CHRD: variants seen among roughly 807,000 people sequenced by gnomAD.
CHRD encodes chordin.
CHRD carries 69 observed loss-of-function variants against 113.7 expected under a neutral mutation model. The ratio of observed to expected loss-of-function variants is 0.61; its 90% CI spans 0.50 to 0.74. The LOEUF (loss-of-function observed/expected upper bound fraction) is 0.74. CHRD is among the 30% of genes least tolerant of loss of function. CHRD has a pLI of 0.00. For synonymous variants in CHRD, 561 were observed against 540.8 expected (o/e 1.04, Z -0.52); for missense variants, 1,194 against 1,295.8 (o/e 0.92, Z 1.21).
In CHRD at chr3:184,381,637, C is replaced by A. The variant is rs1226455145; in HGVS notation, c.511+13C>A. On this transcript the variant is annotated intron_variant, in intron 4 of 22. Coordinates refer to ENST00000204604, the Ensembl canonical transcript of CHRD. The surrounding 1 kb of genome is among the most constrained non-coding windows in gnomAD (Gnocchi z 4.7). ...GACGGCCACACGGGTAGGGGGCTGG[C>A]GAACAGCGGGGTTGTGGTTGAGGCT... The A allele has an allele frequency of 6.2e-7, 1 of 1,603,170 alleles. No homozygotes were observed. Among genetic ancestry groups the A allele is most frequent in the East Asian group, 2.2e-5 (1 of 44,600 alleles).
Position 184,381,955 on chromosome 3 carries a change from C to T in CHRD, c.634C>T (p.Arg212Cys), listed in dbSNP as rs138912825. ...CAGGCTGGACCGCCCTACCAGGATC[C>T]GCTTCTCAGACTCCAATGGCAGTGT... Residue 212 changes from arginine (R) to cysteine (C), a missense_variant, in exon 6 of 23, where the codon CGC (arginine) becomes TGC (cysteine). By Grantham distance (180) the Arg-to-Cys change is radical (BLOSUM62 -3). Transcript: ENST00000204604. The surrounding 1 kb of genome is among the most constrained non-coding windows in gnomAD (Gnocchi z 4.7). 59 of 1,614,158 alleles carry T rather than the reference C, an allele frequency of 3.7e-5. No individual in the cohort carries two copies. In the African/African-American group the frequency reaches 7.1e-4, roughly 19 times the overall value.
chr3:184,380,641 G>T lies in CHRD; in HGVS notation c.149-51G>T. ...GGGACCCGCGGGCAGCCCCCGGGGC[G>T]GCACACGGCGCGAGCTGGGCAGCGG... On this transcript the variant is annotated intron_variant, in intron 1 of 22. Coordinates refer to ENST00000204604, the Ensembl canonical transcript of CHRD. The surrounding 1 kb of genome is among the most constrained non-coding windows in gnomAD (Gnocchi z 6.3). The T allele has an allele frequency of 7.0e-7, 1 of 1,424,156 alleles. No individual in the cohort carries two copies. The highest frequency in any genetic ancestry group is 9.3e-7 in the Non-Finnish European group (1 of 1,075,150). 88.2% of individuals were successfully genotyped at this position (1,424,156 alleles called of 1,614,324 possible).
chr3:184,386,321 G>A, intron 15 of CHRD, 162 bp downstream of exon 15: 1 of 1,228,092 alleles, frequency 8.1e-7, no homozygotes, highest in Non-Finnish European at 1.1e-6. Flanking sequence ...GAGGAGGCTG[G>A]CAGCCCGGCA....
chr3:184,387,864 G>C lies in CHRD; in HGVS notation c.2452-67G>C. On this transcript the variant is annotated intron_variant, in intron 19 of 22. Coordinates refer to ENST00000204604, the Ensembl canonical transcript of CHRD. This position sits in a 1 kb window ranked among gnomAD's most constrained non-coding sequence, Gnocchi z 6.1. ...AGACTGCATTTGAGGTGTGGAATAGGAGAGGGAGTGGGCAGGAGGCTTATG... is the reference window on the plus strand; with the variant it reads ...AGACTGCATTTGAGGTGTGGAATAGCAGAGGGAGTGGGCAGGAGGCTTATG... The C allele has an allele frequency of 8.7e-6, 12 of 1,372,290 alleles. No homozygotes were observed. The highest frequency in any genetic ancestry group is 1.2e-5 in the Non-Finnish European group (12 of 978,452). The allele number at this position is 1,372,290 out of a possible 1,614,324, so 85.0% of individuals were successfully genotyped here.
At position 184,380,881 on chromosome 3, in the gene CHRD, A is replaced by G; in HGVS notation, c.252+86A>G. 1 of 1,033,334 alleles carries G rather than the reference A, an allele frequency of 9.7e-7. No individual in the cohort carries two copies. The highest frequency in any genetic ancestry group is 1.4e-6 in the Non-Finnish European group (1 of 704,584). 64.0% of individuals were successfully genotyped at this position (1,033,334 alleles called of 1,614,324 possible). On this transcript the variant is annotated intron_variant, in intron 2 of 22. Coordinates refer to ENST00000204604, the Ensembl canonical transcript of CHRD. This position sits in a 1 kb window ranked among gnomAD's most constrained non-coding sequence, Gnocchi z 6.3. ...CGTCGGAGTGGACTCGGAGCTGCTG[A>G]GAAGGAGCCCAGTCGGCAGATGTTG...
In CHRD at chr3:184,388,138, T is replaced by C; in HGVS notation, c.2554+105T>C. On this transcript the variant is annotated intron_variant, in intron 20 of 22. Transcript: ENST00000204604. The surrounding 1 kb of genome is among the most constrained non-coding windows in gnomAD (Gnocchi z 6.1). Reference sequence around the variant, plus strand: ...GTTAATTGAGCATTATACTGAGCACTGCTCTGTGCCTAGCCTGGAGCCAGG... The same window carrying C: ...GTTAATTGAGCATTATACTGAGCACCGCTCTGTGCCTAGCCTGGAGCCAGG... 1 of 954,258 alleles carries C rather than the reference T, an allele frequency of 1.0e-6. No homozygotes were observed. Among genetic ancestry groups the C allele is most frequent in the Non-Finnish European group, 1.6e-6 (1 of 606,776 alleles). The allele number at this position is 954,258 out of a possible 1,614,324, so 59.1% of individuals were successfully genotyped here.
At chr3:184,386,143 G>A (rs749454000) in exon 15 of CHRD, 4 of 1,614,086 alleles carry the variant, frequency 2.5e-6, no homozygotes, top group East Asian at 2.2e-5. Context: ...AGCCCCAGAG[G>A]GGAGCTCCGA....
In CHRD at chr3:184,386,131, G is replaced by A. The variant is rs1358857281; in HGVS notation, c.1904G>A (p.Gly635Asp). The change falls in exon 15 of 23, where the codon GGT becomes GAT. Residue 635 changes from glycine (G) to aspartate (D), a missense_variant. By Grantham distance (94) the Gly-to-Asp change is moderately conservative (BLOSUM62 -1). Coordinates refer to ENST00000204604, the Ensembl canonical transcript of CHRD. The stretch of plus-strand genomic sequence containing the variant: ...GCCTCCCTGATGATCACCACCAAGG[G>A]TAGCCCCAGAGGGGAGCTCCGAGGG... 1.2e-6 allele frequency: 2 copies of A among 1,614,100 alleles called. No individual in the cohort carries two copies. Among genetic ancestry groups the A allele is most frequent in the Non-Finnish European group, 1.7e-6 (2 of 1,180,050 alleles).
rs1716764258 is a variant in CHRD at position 184,388,699 on chromosome 3, G to GC, written c.2672dup (p.Gly893TrpfsTer18). The GC allele has an allele frequency of 6.2e-7, 1 of 1,613,898 alleles. No individual in the cohort carries two copies. The highest frequency in any genetic ancestry group is 1.3e-5 in the African/African-American group (1 of 74,930). On this transcript the variant is annotated frameshift_variant, in exon 21 of 23. Transcript: ENST00000204604. LOFTEE classifies it high-confidence loss of function. The surrounding 1 kb of genome is among the most constrained non-coding windows in gnomAD (Gnocchi z 6.1). Reference sequence around the variant, plus strand: ...AGAGTCAGAGCTGGCACCCCTCAGTGCCCCCTTTTGGAGAGATGAGCTGTA... The same window carrying GC: ...AGAGTCAGAGCTGGCACCCCTCAGTGCCCCCCTTTTGGAGAGATGAGCTGTA...
rs775325840 is a variant in CHRD at position 184,384,707 on chromosome 3, G to A, written c.1597+14G>A. On this transcript the variant is annotated intron_variant, in intron 13 of 22. Transcript: ENST00000204604. The surrounding 1 kb of genome is among the most constrained non-coding windows in gnomAD (Gnocchi z 4.4). ...CCCGCCATGACAGTGAGTGTCCTTA[G>A]GGGTCTGTCTGCCCTTTGGTTTCCT... The A allele has an allele frequency of 7.2e-6, 11 of 1,533,854 alleles. No individual in the cohort carries two copies. The highest frequency in any genetic ancestry group is 1.8e-4 in the Middle Eastern group (1 of 5,684).
rs969076427 is a variant in CHRD at position 184,387,174 on chromosome 3, G to A, written c.2347+67G>A. ...AGCCATTAGGTTGAACCAGGAGGGG[G>A]ACAAGAAGGGGAGAGTATATAGGGG... is the stretch of plus-strand genomic sequence containing the variant. On this transcript the variant is annotated intron_variant, in intron 18 of 22. Transcript: ENST00000204604. The surrounding 1 kb of genome is among the most constrained non-coding windows in gnomAD (Gnocchi z 6.1). The A allele has an allele frequency of 3.7e-5, 54 of 1,474,106 alleles. No individual in the cohort carries two copies. In the Middle Eastern group the frequency reaches 5.4e-4, roughly 15 times the overall value. 91.3% of individuals were successfully genotyped at this position (1,474,106 alleles called of 1,614,324 possible). A position where few individuals can be genotyped will look rare whatever the true frequency, so the allele number is the denominator to read the frequency against.
chr3:184,386,180 G>A, intron 15 of CHRD, 21 bp downstream of exon 15: 1 of 1,607,800 alleles, frequency 6.2e-7, no homozygotes, highest in Non-Finnish European at 8.5e-7. Flanking sequence ...AGTGTGGGCA[G>A]TGGGGGCAGT....
exon 16 of CHRD, chr3:184,386,593 G>C: frequency 6.3e-7 from 1 of 1,597,292 alleles, no homozygotes; most frequent in Non-Finnish European, 8.5e-7. Context: ...CCTCTGCTGC[G>C]CCGCCTGTGG....
intron 6 of CHRD, 76 bp downstream of exon 6, chr3:184,382,096 GGT>G: frequency 6.3e-7 from 1 of 1,576,308 alleles, no homozygotes; most frequent in East Asian, 2.3e-5. Context: ...TGCCTCCCGT[GGT>G]CCTCACCACA....
chr3:184,389,646 C>T, exon 23 of CHRD: 2 of 553,462 alleles, frequency 3.6e-6, no homozygotes, highest in South Asian at 2.2e-5. Flanking sequence ...CCCTGCCACC[C>T]TCGGCCTCTG....
intron 12 of CHRD, 86 bp downstream of exon 12, chr3:184,383,728 C>A: frequency 1.6e-5 from 19 of 1,208,512 alleles, no homozygotes; most frequent in Non-Finnish European, 1.7e-5. Flanking sequence ...TGTTCATTAT[C>A]ATCCACTCAC....
rs770505972 is a variant in CHRD at position 184,381,158 on chromosome 3, G to C, written c.253-77G>C. 5.2e-5 allele frequency: 80 copies of C among 1,550,680 alleles called. No homozygotes were observed. The highest frequency in any genetic ancestry group is 6.4e-5 in the Non-Finnish European group (72 of 1,127,098). ...AAGTGGCAGAGCTGGCTGACTCTGCGGGACATCCTTGCCTGGGGGGGTCTC... is the reference window on the plus strand; with the variant it reads ...AAGTGGCAGAGCTGGCTGACTCTGCCGGACATCCTTGCCTGGGGGGGTCTC... On this transcript the variant is annotated intron_variant, in intron 2 of 22. Coordinates refer to ENST00000204604, the Ensembl canonical transcript of CHRD. The surrounding 1 kb of genome is among the most constrained non-coding windows in gnomAD (Gnocchi z 4.7).
exon 10 of CHRD, chr3:184,383,147 C>A: frequency 1.3e-6 from 2 of 1,599,360 alleles, no homozygotes; most frequent in Non-Finnish European, 8.5e-7. Context: ...ACATTGCTGC[C>A]AGGAAGAGCT....
chr3:184,382,983 G>A, intron 9 of CHRD, 33 bp from the exon 10 acceptor site: 2 of 1,612,838 alleles, frequency 1.2e-6, no homozygotes, highest in Non-Finnish European at 1.7e-6. Flanking sequence ...TTGGCCTCTT[G>A]CTATTGCCCA....
Sources: gnomAD v4.1 joint callset for allele counts on GRCh38, gnomAD v4.1.1 for gene constraint, Gnocchi (gnomAD v3.1) non-coding constraint, MANE v1.5 for transcripts, NCBI Gene and HGNC (gene_info 2026-07-23, HGNC 2026-07-21) for gene names.